Variants in SND1 observed in about 807,000 individuals in gnomAD.
The protein encoded by SND1 is staphylococcal nuclease domain-containing protein 1.
Under a neutral mutation model 121.7 loss-of-function variants are expected in SND1, and 38 were observed. That is an observed-to-expected ratio of 0.31 (90% CI 0.24 to 0.41). The LOEUF is 0.41. Ranked by LOEUF, SND1 falls within the 10% of genes least tolerant of loss-of-function variation. The pLI is 1.00. For missense variants in SND1, 868 were observed against 1,184.6 expected, an observed-to-expected ratio of 0.73 and a Z score of 3.92; for synonymous variants, 401 against 447.4, an observed-to-expected ratio of 0.90 and a Z score of 1.31.
chr7:127,995,474 T>G (rs909904376), intron 16 of SND1, among the ~76,000 whole-genome samples: 1 of 152,260 alleles, frequency 6.6e-6, no homozygotes, highest in Non-Finnish European at 1.5e-5. Context: ...TAGTGAGAGA[T>G]AGCATTAGCT....
intron 2 of SND1, among the ~76,000 whole-genome samples, chr7:127,688,486 T>C (rs940899631): frequency 6.6e-6 from 1 of 151,256 alleles, no homozygotes; most frequent in Non-Finnish European, 1.5e-5. Flanking sequence ...GTGGGGATGA[T>C]TGCTTGAGCC....
intron 16 of SND1, among the ~76,000 whole-genome samples, chr7:128,050,670 C>T (rs1793029824): frequency 6.6e-6 from 1 of 152,196 alleles, no homozygotes; most frequent in African/African-American, 2.4e-5. Context: ...TTCCCCCAGT[C>T]TTAGGGCCCA....
intron 11 of SND1, among the ~76,000 whole-genome samples, chr7:127,809,414 C>T (rs1161560723): frequency 1.3e-5 from 2 of 152,208 alleles, no homozygotes; most frequent in South Asian, 2.1e-4. Context: ...CTTTTCCTGA[C>T]TCACCACCTG....
At chr7:127,906,606 C>G (rs988094208) in intron 14 of SND1, among the ~76,000 whole-genome samples, 2 of 152,150 alleles carry the variant, frequency 1.3e-5, no homozygotes, top group African/African-American at 4.8e-5. Flanking sequence ...GGGGCCCATA[C>G]TCCAGGGCCT....
rs575728875 is a variant in SND1, at chr7:128,074,429, T to G, written c.1780-73T>G. 1.2e-3 allele frequency: 1,731 copies of G among 1,470,698 alleles called. 5 individuals are homozygous for G. Among genetic ancestry groups the G allele is most frequent in the Middle Eastern group, 8.8e-3 (38 of 4,310 alleles). 91.1% of individuals were successfully genotyped at this position (1,470,698 alleles called of 1,614,324 possible). A position where few individuals can be genotyped will look rare whatever the true frequency, so the allele number is the denominator to read the frequency against. ...TGAGCCCAAGGCTTCGGCGCTGCTGTCCTCCCCACGGGCACAGCCCCTGCA... is the reference window on the plus strand; with the variant it reads ...TGAGCCCAAGGCTTCGGCGCTGCTGGCCTCCCCACGGGCACAGCCCCTGCA... On this transcript the variant is annotated intron_variant, in intron 16 of 23. Transcript: ENST00000354725.
At chr7:128,040,914 C>T (rs1449989060) in intron 16 of SND1, among the ~76,000 whole-genome samples, 4 of 152,222 alleles carry the variant, frequency 2.6e-5, no homozygotes, top group African/African-American at 9.7e-5. Context: ...AATTGTATGC[C>T]TCCAGCTTGA....
intron 16 of SND1, among the ~76,000 whole-genome samples, chr7:128,003,511 A>T (rs1488047579): frequency 2.0e-5 from 3 of 152,206 alleles, no homozygotes; most frequent in African/African-American, 7.2e-5. Context: ...GATCATGCAA[A>T]TAAGACCAAC....
chr7:127,834,879 T>C (rs1262909992), intron 11 of SND1, among the ~76,000 whole-genome samples: 2 of 152,220 alleles, frequency 1.3e-5, no homozygotes, highest in Admixed American at 1.3e-4. Context: ...CTGAGTGACT[T>C]CTTGATGCCA....
intron 10 of SND1, among the ~76,000 whole-genome samples, chr7:127,800,879 T>A (rs756087610): frequency 9.9e-5 from 15 of 152,218 alleles, no homozygotes; most frequent in East Asian, 1.9e-4. Flanking sequence ...CTATGAATAA[T>A]ATACTATTGT....
At chr7:127,718,751 A>G in intron 9 of SND1, 1 of 985,360 alleles carries the variant, frequency 1.0e-6, no homozygotes, top group Non-Finnish European at 1.2e-6. Context: ...TGTAATCAGC[A>G]GGTAAAGGTG....
intron 8 of SND1, among the ~76,000 whole-genome samples, chr7:127,705,528 T>G (rs1796172821): frequency 6.6e-6 from 1 of 152,178 alleles, no homozygotes; most frequent in African/African-American, 2.4e-5. Flanking sequence ...AAACTGCATG[T>G]AGAAATTCCA....
intron 11 of SND1, among the ~76,000 whole-genome samples, chr7:127,820,661 C>T (rs2116603638): frequency 6.6e-6 from 1 of 152,148 alleles, no homozygotes; most frequent in South Asian, 2.1e-4. Flanking sequence ...TTCTCTCTAA[C>T]CTCATTTTCT....
chr7:127,844,188 A>T, intron 11 of SND1, 136 bp from the exon 12 acceptor site: 1 of 500,300 alleles, frequency 2.0e-6, no homozygotes, highest in African/African-American at 2.0e-5. Context: ...ATTTCTTTTA[A>T]TTGGTTTTAA....
intron 10 of SND1, among the ~76,000 whole-genome samples, chr7:127,740,493 G>A (rs534331913): frequency 5.3e-5 from 8 of 152,180 alleles, no homozygotes; most frequent in Non-Finnish European, 7.3e-5. Context: ...CAGCAGAACC[G>A]ATTATTGCCT....
At chr7:127,895,596 G>A (rs577038927) in intron 13 of SND1, among the ~76,000 whole-genome samples, 4 of 152,204 alleles carry the variant, frequency 2.6e-5, no homozygotes, top group African/African-American at 7.2e-5. Context: ...TCGCTGTTGG[G>A]GAGTAGGGAA....
chr7:128,090,816 CT>C (rs979762731), intron 22 of SND1, among the ~76,000 whole-genome samples: 4 of 152,162 alleles, frequency 2.6e-5, no homozygotes, highest in Non-Finnish European at 4.4e-5. Context: ...AGCCCGACCC[CT>C]AAGCCCCTCT....
At chr7:127,943,195 A>T (rs1801254256) in intron 15 of SND1, among the ~76,000 whole-genome samples, 1 of 152,100 alleles carries the variant, frequency 6.6e-6, no homozygotes, top group Non-Finnish European at 1.5e-5. Flanking sequence ...TGATTCTATT[A>T]ATCATTGTAA....
intron 10 of SND1, among the ~76,000 whole-genome samples, chr7:127,791,141 CT>C (rs66878881): frequency 0.23 from 26,000 of 110,756 alleles, 1,794 homozygotes; most frequent in Middle Eastern, 0.3. Context: ...TTTACCTCTC[CT>C]TTTTTTTTTT....
At chr7:127,976,271 A>T (rs370873646) in intron 15 of SND1, among the ~76,000 whole-genome samples, 1 of 152,122 alleles carries the variant, frequency 6.6e-6, no homozygotes, top group Non-Finnish European at 1.5e-5. Flanking sequence ...CAAGCTTCCC[A>T]TCCTGGTGCT....
Sources: gnomAD v4.1 joint callset for allele counts (sites outside exome capture counted in the v4.1 genomes callset) on GRCh38, gnomAD v4.1.1 for gene constraint, MANE v1.5 for transcripts, NCBI Gene and HGNC (gene_info 2026-07-23, HGNC 2026-07-21) for gene names.